NPAS3: variants seen among roughly 807,000 people sequenced by gnomAD.
NPAS3 encodes neuronal PAS domain protein 3, also known as neuronal PAS domain-containing protein 3.
NPAS3 carries 14 observed loss-of-function variants against 73.1 expected under a neutral mutation model. The observed-to-expected ratio is 0.19, with a 90% CI of 0.13 to 0.30. NPAS3 has a LOEUF of 0.30. NPAS3 is among the 10% of genes least tolerant of loss of function. The pLI is 1.00. For missense variants in NPAS3, 1,096 were observed against 1,250.0 expected (o/e 0.88, Z 1.86); for synonymous variants, 620 against 541.5 (o/e 1.14, Z -2.01).
At chr14:32,971,238 C>T (rs990645200) in intron 1 of NPAS3, among the ~76,000 whole-genome samples, 1 of 152,006 alleles carries the variant, frequency 6.6e-6, no homozygotes, top group African/African-American at 2.4e-5. Context: ...GCATGCGCCA[C>T]CATGCCTGGC....
At chr14:33,536,580 G>T (rs1303475253) in intron 4 of NPAS3, among the ~76,000 whole-genome samples, 1 of 152,160 alleles carries the variant, frequency 6.6e-6, no homozygotes, top group Non-Finnish European at 1.5e-5. Context: ...ACTAATGGGA[G>T]ATTCAAGGCT....
intron 5 of NPAS3, among the ~76,000 whole-genome samples, chr14:33,652,816 C>T (rs1420789438): frequency 6.6e-6 from 1 of 152,168 alleles, no homozygotes; most frequent in Non-Finnish European, 1.5e-5. Context: ...TTGTCCACTG[C>T]CATTTATAGA....
chr14:33,570,396 G>A (rs991551293), intron 5 of NPAS3, among the ~76,000 whole-genome samples: 2 of 152,120 alleles, frequency 1.3e-5, no homozygotes, highest in Non-Finnish European at 2.9e-5. Flanking sequence ...TGCTTGTGAT[G>A]TCCTGTCTAC....
intron 2 of NPAS3, among the ~76,000 whole-genome samples, chr14:33,208,014 G>A (rs988911624): frequency 8.5e-5 from 13 of 152,076 alleles, no homozygotes; most frequent in African/African-American, 2.9e-4. Context: ...AGCTGATTTG[G>A]TAAATAGAAA....
At chr14:33,707,473 TAGAATC>T (rs1401258664) in intron 6 of NPAS3, among the ~76,000 whole-genome samples, 1 of 152,086 alleles carries the variant, frequency 6.6e-6, no homozygotes, top group Non-Finnish European at 1.5e-5. Context: ...TTAAAATCCA[TAGAATC>T]AGCATGAAGG....
At chr14:33,378,398 C>G (rs1329803147) in intron 4 of NPAS3, among the ~76,000 whole-genome samples, 1 of 152,140 alleles carries the variant, frequency 6.6e-6, no homozygotes, top group Non-Finnish European at 1.5e-5. Context: ...CACATATTCC[C>G]TTTTTAAGTT....
chr14:33,452,977 A>T (rs1379024352), intron 4 of NPAS3, among the ~76,000 whole-genome samples: 4 of 152,094 alleles, frequency 2.6e-5, no homozygotes, highest in Admixed American at 1.3e-4. Context: ...GAAATTAGGT[A>T]TCCGAGAATG....
At chr14:33,107,031 A>C (rs555205999) in intron 2 of NPAS3, among the ~76,000 whole-genome samples, 2 of 151,988 alleles carry the variant, frequency 1.3e-5, no homozygotes, top group Non-Finnish European at 2.9e-5. Context: ...TTGTATTCTC[A>C]CTTTTTCTGT....
At chr14:33,659,058 C>G (rs1421701770) in intron 5 of NPAS3, among the ~76,000 whole-genome samples, 2 of 152,306 alleles carry the variant, frequency 1.3e-5, no homozygotes, top group East Asian at 3.9e-4. Flanking sequence ...CACTTACTTG[C>G]TCATTCGTTC....
chr14:33,171,779 G>A (rs761577441), intron 2 of NPAS3, among the ~76,000 whole-genome samples: 3 of 152,128 alleles, frequency 2.0e-5, no homozygotes, highest in African/African-American at 7.2e-5. Flanking sequence ...TAACTTCTTG[G>A]TGCAAGTGAC....
intron 11 of NPAS3, among the ~76,000 whole-genome samples, chr14:33,798,846 T>C (rs2063590214): frequency 6.6e-6 from 1 of 151,806 alleles, no homozygotes; most frequent in South Asian, 2.1e-4. Context: ...TAAATAAAAC[T>C]AAAATATACA....
intron 6 of NPAS3, among the ~76,000 whole-genome samples, chr14:33,712,393 G>A (rs914940294): frequency 5.9e-5 from 9 of 152,180 alleles, no homozygotes; most frequent in Non-Finnish European, 8.8e-5. Context: ...GTCCACACAA[G>A]CAAATAAGAT....
chr14:33,733,301 T>C (rs2061443765), intron 6 of NPAS3, among the ~76,000 whole-genome samples: 1 of 150,148 alleles, frequency 6.7e-6, no homozygotes, highest in African/African-American at 2.5e-5. Context: ...ATGTATAATC[T>C]GTCCTTGGGA....
chr14:33,303,478 G>T (rs1368049258), intron 3 of NPAS3, among the ~76,000 whole-genome samples: 1 of 151,552 alleles, frequency 6.6e-6, no homozygotes, highest in Admixed American at 6.6e-5. Flanking sequence ...CATTTGTAAA[G>T]AAACATGAAT....
chr14:32,990,755 G>A (rs1022003551), intron 1 of NPAS3, among the ~76,000 whole-genome samples: 17 of 151,942 alleles, frequency 1.1e-4, no homozygotes, highest in African/African-American at 3.9e-4. Context: ...GTGAGACTCT[G>A]TGTCTACAAA....
At chr14:33,574,015 T>C (rs2056336110) in intron 5 of NPAS3, among the ~76,000 whole-genome samples, 1 of 152,214 alleles carries the variant, frequency 6.6e-6, no homozygotes. Flanking sequence ...GATTTACACA[T>C]GTGGCATTTG....
chr14:33,308,721 C>G (rs921356980), intron 3 of NPAS3, among the ~76,000 whole-genome samples: 8 of 151,660 alleles, frequency 5.3e-5, no homozygotes, highest in African/African-American at 1.9e-4. Context: ...GTTGATCTTT[C>G]ATCTGTTTGC....
At chr14:33,533,687 CA>C (rs1423892621) in intron 4 of NPAS3, among the ~76,000 whole-genome samples, 3 of 151,992 alleles carry the variant, frequency 2.0e-5, no homozygotes, top group African/African-American at 7.2e-5. Flanking sequence ...AACCATGCTC[CA>C]TAGAGGAATG....
chr14:33,595,718 T>A (rs181686895), intron 5 of NPAS3, among the ~76,000 whole-genome samples: 8 of 152,286 alleles, frequency 5.3e-5, no homozygotes, highest in Admixed American at 5.2e-4. Flanking sequence ...TCGTCCAGGC[T>A]GGAGTGCAGT....
Sources: gnomAD v4.1 joint callset for allele counts (sites outside exome capture counted in the v4.1 genomes callset) on GRCh38, gnomAD v4.1.1 for gene constraint, MANE v1.5 for transcripts, NCBI Gene and HGNC (gene_info 2026-07-23, HGNC 2026-07-21) for gene names.